SECISBP2L: variants seen among roughly 807,000 people sequenced by gnomAD.
SECISBP2L encodes SECIS binding protein 2 like.
In SECISBP2L, 43 loss-of-function variants were observed where a neutral mutation model predicts 114.7. That is an observed-to-expected ratio of 0.38 (90% CI 0.29 to 0.48). The LOEUF (loss-of-function observed/expected upper bound fraction) is 0.48. SECISBP2L is among the 20% of genes least tolerant of loss of function. The pLI is 0.98. For missense variants in SECISBP2L, 1,136 were observed against 1,301.1 expected, an observed-to-expected ratio of 0.87 and a Z score of 1.95; for synonymous variants, 451 against 439.7, an observed-to-expected ratio of 1.03 and a Z score of -0.32.
At chr15:49,024,811 CT>C (rs1408110938) in intron 7 of SECISBP2L, among the ~76,000 whole-genome samples, 1 of 152,142 alleles carries the variant, frequency 6.6e-6, no homozygotes, top group African/African-American at 2.4e-5. Flanking sequence ...AACAAATACA[CT>C]TAAGTAAAGT....
In SECISBP2L at chr15:49,046,421, C is replaced by T. The variant is rs913142652; in HGVS notation, c.-122G>A. 3.6e-6 allele frequency: 4 copies of T among 1,102,766 alleles called. No homozygotes were observed. The highest frequency in any genetic ancestry group is 1.7e-5 in the African/African-American group (1 of 60,136). The allele number at this position is 1,102,766 out of a possible 1,614,324, so 68.3% of individuals were successfully genotyped here. On this transcript the variant is annotated 5_prime_UTR_variant, in exon 1 of 18. Transcript: ENST00000559471. ...GGACCTCCGCCCCTATCTGGCTGGC[C>T]GCGACACCGATTCGGCTACGCCACT...
chr15:48,998,299 T>A (rs960641409), intron 16 of SECISBP2L, among the ~76,000 whole-genome samples: 8 of 152,362 alleles, frequency 5.3e-5, no homozygotes, highest in South Asian at 2.1e-4. Context: ...ATGCTGCTAA[T>A]TGTATTGATT....
intron 4 of SECISBP2L, among the ~76,000 whole-genome samples, chr15:49,032,136 A>G (rs1902902004): frequency 6.6e-6 from 1 of 152,242 alleles, no homozygotes; most frequent in African/African-American, 2.4e-5. Context: ...TCTAAATGAA[A>G]AAAGTATAAG....
chr15:48,999,196 A>G (rs1902154274), intron 16 of SECISBP2L, among the ~76,000 whole-genome samples: 1 of 152,236 alleles, frequency 6.6e-6, no homozygotes, highest in South Asian at 2.1e-4. Flanking sequence ...ACACAAAAAT[A>G]GTGTGGTTGG....
At chr15:49,043,117 A>G (rs1903175681) in intron 1 of SECISBP2L, among the ~76,000 whole-genome samples, 1 of 152,322 alleles carries the variant, frequency 6.6e-6, no homozygotes, top group African/African-American at 2.4e-5. Flanking sequence ...TGAACATATT[A>G]TTTTTTAAAT....
Position 48,992,112 on chromosome 15 carries a change from G to A in SECISBP2L, c.*132C>T. On this transcript the variant is annotated 3_prime_UTR_variant, in exon 18 of 18. Coordinates refer to ENST00000559471, the MANE Select transcript of SECISBP2L (RefSeq NM_001193489.2). Reference sequence around the variant, plus strand: ...AAGCTACAGATCATAACAAGTAAAAGCTACAAAAATATTTGTTGGGAATTA... The same window carrying A: ...AAGCTACAGATCATAACAAGTAAAAACTACAAAAATATTTGTTGGGAATTA... 1 of 823,070 alleles carries A rather than the reference G, an allele frequency of 1.2e-6. No individual in the cohort carries two copies. The highest frequency in any genetic ancestry group is 1.8e-6 in the Non-Finnish European group (1 of 542,168). 51.0% of individuals were successfully genotyped at this position (823,070 alleles called of 1,614,324 possible). A position where few individuals can be genotyped will look rare whatever the true frequency, so the allele number is the denominator to read the frequency against.
intron 7 of SECISBP2L, among the ~76,000 whole-genome samples, chr15:49,021,076 T>C (rs1902632386): frequency 6.6e-6 from 1 of 151,940 alleles, no homozygotes; most frequent in South Asian, 2.1e-4. Flanking sequence ...GGTGATTAAG[T>C]TATGAGGGCA....
intron 1 of SECISBP2L, among the ~76,000 whole-genome samples, chr15:49,041,891 A>AGCTGT (rs951948207): frequency 6.6e-6 from 1 of 152,276 alleles, no homozygotes; most frequent in Admixed American, 6.5e-5. Flanking sequence ...GATAACTACT[A>AGCTGT]GCTGTGCTGT....
At chr15:49,018,401 G>A (rs1386911940) in intron 8 of SECISBP2L, among the ~76,000 whole-genome samples, 1 of 151,846 alleles carries the variant, frequency 6.6e-6, no homozygotes, top group Admixed American at 6.6e-5. Context: ...GGATTACAGG[G>A]ACCCGCCACC....
intron 6 of SECISBP2L, among the ~76,000 whole-genome samples, 190 bp from the exon 7 acceptor site, chr15:49,027,670 G>A (rs1188751522): frequency 2.0e-5 from 3 of 150,304 alleles, no homozygotes; most frequent in Non-Finnish European, 4.4e-5. Context: ...GTGCAGTGGC[G>A]AGATCTTGGC....
chr15:49,026,845 T>C (rs1902753116), intron 7 of SECISBP2L, among the ~76,000 whole-genome samples: 1 of 152,238 alleles, frequency 6.6e-6, no homozygotes, highest in Admixed American at 6.5e-5. Flanking sequence ...GATACAGTTA[T>C]GGGTAGTTCA....
intron 14 of SECISBP2L, among the ~76,000 whole-genome samples, chr15:49,006,566 G>A (rs1902328658): frequency 6.6e-6 from 1 of 152,080 alleles, no homozygotes; most frequent in Admixed American, 6.5e-5. Context: ...GTATGCTTCA[G>A]GAAGTTCTCG....
intron 16 of SECISBP2L, 80 bp downstream of exon 16, chr15:48,999,753 C>A: frequency 6.8e-7 from 1 of 1,465,968 alleles, no homozygotes; most frequent in South Asian, 1.3e-5. Flanking sequence ...TTAAACATAA[C>A]ACTGGCATAT....
chr15:49,042,571 G>C (rs988947597), intron 1 of SECISBP2L: 6 of 152,256 alleles, frequency 3.9e-5, no homozygotes, highest in African/African-American at 1.4e-4. Flanking sequence ...GAACACCGAG[G>C]TAGGGTCAAG....
intron 4 of SECISBP2L, among the ~76,000 whole-genome samples, chr15:49,031,220 A>C (rs976905627): frequency 6.6e-6 from 1 of 150,794 alleles, no homozygotes; most frequent in African/African-American, 2.4e-5. Context: ...GCTGATTTTT[A>C]TATTTTTTAG....
chr15:49,038,802 AGTAAGTGAAAT>A (rs1205879139), intron 1 of SECISBP2L, among the ~76,000 whole-genome samples: 4 of 152,312 alleles, frequency 2.6e-5, no homozygotes, highest in African/African-American at 9.6e-5. Flanking sequence ...TAATGAAACC[AGTAAGTGAAAT>A]GCAAGCTAAT....
In SECISBP2L at chr15:48,992,803, G is replaced by A; in HGVS notation, c.2747C>T (p.Pro916Leu). The A allele has an allele frequency of 6.2e-7, 1 of 1,614,106 alleles. No homozygotes were observed. The highest frequency in any genetic ancestry group is 2.2e-5 in the East Asian group (1 of 44,874). ...KPSKLPFDTP[P>L]IGKQPSLVAT... is the part of the protein sequence containing the mutation. ...CACTAATGATGGCTGCTTACCAATT[G>A]GGGGTGTGTCAAATGGAAGTTTACT... is the stretch of plus-strand genomic sequence containing the variant. The change falls in exon 18 of 18, where the codon CCA (proline) becomes CTA (leucine). Residue 916 changes from proline to leucine, a missense_variant. This residue lies in a region of SECISBP2L where 684 missense variants were observed against 848.7 expected (regional missense o/e 0.81). Coordinates refer to ENST00000559471, the MANE Select transcript of SECISBP2L (RefSeq NM_001193489.2).
intron 11 of SECISBP2L, 119 bp downstream of exon 11, chr15:49,016,441 T>TAC (rs71952937): frequency 4.2e-4 from 340 of 802,728 alleles, no homozygotes; most frequent in East Asian, 7.3e-4. Flanking sequence ...TACATATATA[T>TAC]ACACACACAC....
At position 48,992,697 on chromosome 15, in the gene SECISBP2L, C is replaced by G; in HGVS notation, c.2853G>C (p.Leu951=). The change falls in exon 18 of 18, where the codon CTG becomes CTC. Residue 951 remains leucine, a synonymous_variant. Transcript: ENST00000559471. ...SDKEEVKPDD[L]EWASQQSTET... ...CTGTACTCTGCTGTGAGGCCCATTC[C>G]AGGTCATCTGGCTTCACTTCCTCTT... The G allele has an allele frequency of 6.2e-7, 1 of 1,614,206 alleles. No homozygotes were observed. Among genetic ancestry groups the G allele is most frequent in the Non-Finnish European group, 8.5e-7 (1 of 1,180,038 alleles).
Sources: gnomAD v4.1 joint callset for allele counts (sites outside exome capture counted in the v4.1 genomes callset) on GRCh38, gnomAD v4.1.1 for gene constraint, gnomAD v4.1.1 regional missense constraint, MANE v1.5 for transcripts, NCBI Gene and HGNC (gene_info 2026-07-23, HGNC 2026-07-21) for gene names.